Variants in SOX6 observed in about 807,000 individuals in gnomAD.
The protein encoded by SOX6 is transcription factor SOX-6.
SOX6 carries 11 observed loss-of-function variants against 97.8 expected under a neutral mutation model. That is an observed-to-expected ratio of 0.11 (90% CI 0.07 to 0.19). The LOEUF is 0.19. SOX6 is among the 10% of genes least tolerant of loss of function. The pLI is 1.00. For missense variants in SOX6, 810 were observed against 1,039.5 expected, an observed-to-expected ratio of 0.78 and a Z score of 3.04; for synonymous variants, 360 against 371.4, an observed-to-expected ratio of 0.97 and a Z score of 0.35.
intron 6 of SOX6, among the ~76,000 whole-genome samples, chr11:16,140,165 A>C (rs2134037637): frequency 6.6e-6 from 1 of 152,160 alleles, no homozygotes; most frequent in East Asian, 1.9e-4. Flanking sequence ...ACCTTCATCC[A>C]ATAGGACCCA....
intron 1 of SOX6, among the ~76,000 whole-genome samples, chr11:16,430,828 T>A (rs1485546605): frequency 6.6e-6 from 1 of 152,210 alleles, no homozygotes; most frequent in Non-Finnish European, 1.5e-5. Flanking sequence ...GCAAACCTTT[T>A]AACACGGAAG....
Position 15,986,338 on chromosome 11 carries a change from C to T in SOX6, c.2049G>A (p.Glu683=), listed in dbSNP as rs1373251785. ...GTTTGTATTTATAGTTTGGGTACTT[C>T]TCTAAGTGGATCTTGCTTAGCCGGG... ...EQARLSKIHL[E]KYPNYKYKPR... The change falls in exon 15 of 16, where the codon GAG becomes GAA. Residue 683 remains glutamate, a synonymous_variant. Transcript: ENST00000683767. The T allele has an allele frequency of 6.2e-7, 1 of 1,614,114 alleles. No homozygotes were observed. Among genetic ancestry groups the T allele is most frequent in the South Asian group, 1.1e-5 (1 of 91,072 alleles).
chr11:16,403,246 A>C (rs2134445305), intron 1 of SOX6, among the ~76,000 whole-genome samples: 1 of 151,848 alleles, frequency 6.6e-6, no homozygotes, highest in African/African-American at 2.4e-5. Flanking sequence ...TGAGACCATT[A>C]TTAGAGAAGG....
At chr11:16,243,818 A>G (rs959502377) in intron 3 of SOX6, among the ~76,000 whole-genome samples, 13 of 152,096 alleles carry the variant, frequency 8.5e-5, no homozygotes, top group African/African-American at 2.6e-4. Context: ...AAAGTTCTTG[A>G]GATTCATTCC....
In SOX6 at chr11:15,972,661, CTT is replaced by C; in HGVS notation, c.*146_*147del. ...CAAGTTCATGAAAAATCAGGGAAAA[CTT>C]AATCTGTCTCACACTTTACGAAACA... On this transcript the variant is annotated 3_prime_UTR_variant, in exon 16 of 16. Transcript: ENST00000683767. 2 of 818,592 alleles carry C rather than the reference CTT, an allele frequency of 2.4e-6. No individual in the cohort carries two copies. The highest frequency in any genetic ancestry group is 3.9e-6 in the Non-Finnish European group (2 of 519,358). The allele number at this position is 818,592 out of a possible 1,614,324, so 50.7% of individuals were successfully genotyped here.
Position 16,106,012 on chromosome 11 carries a change from G to T in SOX6, c.898+5791C>A, listed in dbSNP as rs182046345. 9.9e-4 allele frequency among the ~76,000 whole-genome samples: 150 copies of T among 152,200 alleles called. 1 individual carries two copies. The highest frequency in any genetic ancestry group is 7.0e-3 in the South Asian group (34 of 4,828). The stretch of plus-strand genomic sequence containing the variant: ...ATCTAACCAAGGAGATGAAAGACTT[G>T]TATGTTGAAAACTATAAAACGTTTT... On this transcript the variant is annotated intron_variant, in intron 7 of 15. Transcript: ENST00000683767.
intron 2 of SOX6, among the ~76,000 whole-genome samples, chr11:16,320,001 G>A (rs982823276): frequency 6.6e-6 from 1 of 152,018 alleles, no homozygotes; most frequent in African/African-American, 2.4e-5. Flanking sequence ...TGGATCAGCT[G>A]AAAAGGAAAA....
chr11:16,181,417 T>C (rs536694628), intron 6 of SOX6, among the ~76,000 whole-genome samples: 196 of 151,650 alleles, frequency 1.3e-3, no homozygotes, highest in Non-Finnish European at 1.5e-3. Flanking sequence ...CTTTTTTTGA[T>C]AGAAAAAAAA....
At chr11:16,698,868 T>C (rs138688274) in intron 3 of SOX6, among the ~76,000 whole-genome samples, 1 of 152,250 alleles carries the variant, frequency 6.6e-6, no homozygotes, top group African/African-American at 2.4e-5. Context: ...TCCAAAATAA[T>C]TATAATAGTA....
intron 1 of SOX6, among the ~76,000 whole-genome samples, chr11:16,416,196 C>T (rs1401925204): frequency 1.3e-5 from 2 of 152,154 alleles, no homozygotes; most frequent in Non-Finnish European, 2.9e-5. Flanking sequence ...CACAATCAAA[C>T]TTTAACAGAA....
At chr11:16,214,339 T>G (rs957125847) in intron 4 of SOX6, among the ~76,000 whole-genome samples, 1 of 152,222 alleles carries the variant, frequency 6.6e-6, no homozygotes. Context: ...AAGTACTATT[T>G]GTAGTGACCT....
intron 4 of SOX6, among the ~76,000 whole-genome samples, chr11:16,486,547 G>T (rs1438211738): frequency 6.6e-6 from 1 of 152,104 alleles, no homozygotes; most frequent in East Asian, 1.9e-4. Flanking sequence ...TATTAGAAAT[G>T]CCTAGAGTGC....
intron 4 of SOX6, among the ~76,000 whole-genome samples, chr11:16,591,435 C>A (rs180969767): frequency 1.3e-5 from 2 of 152,148 alleles, no homozygotes; most frequent in African/African-American, 2.4e-5. Context: ...CTAACTTAAT[C>A]TGGTCTTCAA....
chr11:16,719,291 G>C (rs1257864838), intron 2 of SOX6, among the ~76,000 whole-genome samples: 5 of 152,096 alleles, frequency 3.3e-5, no homozygotes, highest in African/African-American at 1.2e-4. Flanking sequence ...GTTGTTATGG[G>C]CCAAAATCAT....
intron 7 of SOX6, among the ~76,000 whole-genome samples, chr11:16,109,765 C>G (rs1849184250): frequency 6.6e-6 from 1 of 152,094 alleles, no homozygotes; most frequent in African/African-American, 2.4e-5. Flanking sequence ...AATTAGAGTT[C>G]TGATTAATGA....
At chr11:16,643,415 G>A (rs1848957988) in intron 3 of SOX6, among the ~76,000 whole-genome samples, 1 of 152,166 alleles carries the variant, frequency 6.6e-6, no homozygotes, top group Non-Finnish European at 1.5e-5. Context: ...GCTGTGTGCT[G>A]GGAGAACCAC....
At chr11:16,056,976 A>C (rs1847831143) in intron 9 of SOX6, among the ~76,000 whole-genome samples, 1 of 152,172 alleles carries the variant, frequency 6.6e-6, no homozygotes, top group Non-Finnish European at 1.5e-5. Flanking sequence ...CAAAACAACA[A>C]CAACAAAAAG....
chr11:16,371,034 T>C (rs1178256402), intron 1 of SOX6, among the ~76,000 whole-genome samples: 8 of 152,216 alleles, frequency 5.3e-5, no homozygotes, highest in Admixed American at 1.3e-4. Flanking sequence ...GCTCAAAATG[T>C]TCCAATGGCT....
At chr11:16,138,805 G>GT (rs1850048997) in intron 6 of SOX6, among the ~76,000 whole-genome samples, 1 of 151,886 alleles carries the variant, frequency 6.6e-6, no homozygotes, top group African/African-American at 2.4e-5. Context: ...GCGGTGTTTG[G>GT]TTTTTTGTCC....
Sources: gnomAD v4.1 joint callset for allele counts (sites outside exome capture counted in the v4.1 genomes callset) on GRCh38, gnomAD v4.1.1 for gene constraint, MANE v1.5 for transcripts, NCBI Gene and HGNC (gene_info 2026-07-23, HGNC 2026-07-21) for gene names.